Variants in FN1 observed in about 807,000 individuals in gnomAD.
FN1 encodes fibronectin.
In FN1, 106 loss-of-function variants were observed where a neutral mutation model predicts 297.3. The observed-to-expected ratio is 0.36, with a 90% CI of 0.30 to 0.42. The LOEUF (loss-of-function observed/expected upper bound fraction) is 0.42. Ranked by LOEUF, FN1 falls within the 10% of genes least tolerant of loss-of-function variation. The probability of loss-of-function intolerance (pLI) is 1.00; values close to 1 mark genes in which losing one functional copy is unlikely to be tolerated. For synonymous variants in FN1, 1,149 were observed against 1,152.6 expected (o/e 1.00, Z 0.06); for missense variants, 2,690 against 3,124.9 (o/e 0.86, Z 3.32).
chr2:215,362,369 C>A, intron 44 of FN1: 1 of 420,082 alleles, frequency 2.4e-6, no homozygotes, highest in Non-Finnish European at 4.4e-6. Flanking sequence ...CATTCCAATC[C>A]CAACTTCCTC....
At chr2:215,365,024 GAAC>G (rs757049434) in intron 43 of FN1, 39 bp from the exon 44 acceptor site, 1 of 1,299,370 alleles carries the variant, frequency 7.7e-7, no homozygotes, top group Non-Finnish European at 1.1e-6. Flanking sequence ...CATAAGCTGA[GAAC>G]AATACTGCAG....
At position 215,384,106 on chromosome 2, in the gene FN1, A is replaced by G. The variant is rs749273164; in HGVS notation, c.4808T>C (p.Val1603Ala). 33 of 1,613,956 alleles carry G rather than the reference A, an allele frequency of 2.0e-5. No individual in the cohort carries two copies. The highest frequency in any genetic ancestry group is 2.5e-5 in the Non-Finnish European group (29 of 1,179,982). Residue 1603 changes from valine (V) to alanine (A), a missense_variant, in exon 30 of 46, where the codon GTT (valine) becomes GCT (alanine). Physicochemically the swap from Val to Ala is moderately conservative, Grantham distance 64 (BLOSUM62 0). Around this residue, in one of 3 missense-constraint regions of FN1, gnomAD observed 1,743 missense variants for 1,945.2 expected, o/e 0.90. Transcript: ENST00000354785. ...TATISGLKPGVDYTITVYAVT... is the reference protein window; with the variant it reads ...TATISGLKPGADYTITVYAVT... ...AGCATACACAGTGATGGTATAATCA[A>G]CTCCAGGTTTAAGGCCGCTGATGGT...
At position 215,433,402 on chromosome 2, in the gene FN1, CA is replaced by C; in HGVS notation, c.336del (p.Tyr112Ter). 1 of 1,614,146 alleles carries C rather than the reference CA, an allele frequency of 6.2e-7. No homozygotes were observed. Among genetic ancestry groups the C allele is most frequent in the Non-Finnish European group, 8.5e-7 (1 of 1,179,994 alleles). On this transcript the variant is annotated frameshift_variant, in exon 3 of 46. Coordinates refer to ENST00000354785, the MANE Select transcript of FN1 (RefSeq NM_212482.4). LOFTEE classifies it high-confidence loss of function. The part of the protein sequence containing the change: ...TGNTYRVGDT[Y>X]ERPKDSMIWD... ...CAGATCATGGAGTCTTTAGGACGCT[CA>C]TAAGTGTCACCCACTCGGTAAGTGT...
At chr2:215,406,217 T>C (rs781517590) in intron 19 of FN1, 21 bp downstream of exon 19, 12 of 1,612,614 alleles carry the variant, frequency 7.4e-6, no homozygotes, top group East Asian at 2.2e-5. Context: ...GGAGGGGAGA[T>C]AGAGATAGGA....
chr2:215,431,711 T>C, intron 4 of FN1, 122 bp downstream of exon 4: 1 of 1,020,288 alleles, frequency 9.8e-7, no homozygotes, highest in Non-Finnish European at 1.6e-6. Context: ...CAAACAAAAT[T>C]CCCATTTCTT....
chr2:215,388,167 G>T, intron 27 of FN1, 45 bp downstream of exon 27: 1 of 1,350,382 alleles, frequency 7.4e-7, no homozygotes, highest in South Asian at 1.2e-5. Context: ...ATACAGAATT[G>T]ATAGGCAAAA....
chr2:215,423,637 G>A (rs1183647897), intron 8 of FN1, 111 bp from the exon 9 acceptor site: 1 of 922,650 alleles, frequency 1.1e-6, no homozygotes, highest in Non-Finnish European at 1.7e-6. Context: ...TTCACAGACA[G>A]TCTATCTCAG....
intron 23 of FN1, among the ~76,000 whole-genome samples, chr2:215,396,050 A>T (rs1460955869): frequency 8.5e-5 from 13 of 152,234 alleles, no homozygotes; most frequent in Non-Finnish European, 1.9e-4. Flanking sequence ...AGCTAGTTTC[A>T]TTCTGTGTGT....
Position 215,367,936 on chromosome 2 carries a change from C to T in FN1, c.6945G>A (p.Met2315Ile). 6.2e-7 allele frequency: 1 copy of T among 1,614,060 alleles called. No homozygotes were observed. The highest frequency in any genetic ancestry group is 8.5e-7 in the Non-Finnish European group (1 of 1,179,922). ...HYAVGDEWER[M>I]SESGFKLLCQ... ...ACAACAGTTTAAAGCCTGATTCAGA[C>T]ATTCGTTCCCACTCATCTCCAACGG... is the stretch of plus-strand genomic sequence containing the variant. The change falls in exon 42 of 46, where the codon ATG becomes ATA. Residue 2315 changes from methionine (M) to isoleucine (I), a missense_variant. Around this residue, in one of 3 missense-constraint regions of FN1, gnomAD observed 1,743 missense variants for 1,945.2 expected, o/e 0.90. Transcript: ENST00000354785.
chr2:215,434,613 T>A lies in FN1; in HGVS notation c.277+83A>T, dbSNP rs1234366571. 6 of 1,478,860 alleles carry A rather than the reference T, an allele frequency of 4.1e-6. No individual in the cohort carries two copies. In the Admixed American group the frequency reaches 1.0e-4, roughly 25 times the overall value. The allele number at this position is 1,478,860 out of a possible 1,614,324, so 91.6% of individuals were successfully genotyped here. A position where few individuals can be genotyped will look rare whatever the true frequency, so the allele number is the denominator to read the frequency against. On this transcript the variant is annotated intron_variant, in intron 2 of 45. Coordinates refer to ENST00000354785, the MANE Select transcript of FN1 (RefSeq NM_212482.4). Reference sequence around the variant, plus strand: ...AATTCTATTAGAAAAATGGTGTATGTATTTTTACTTACTAATGCAAAGTTT... The same window carrying A: ...AATTCTATTAGAAAAATGGTGTATGAATTTTTACTTACTAATGCAAAGTTT...
rs150549513 is a variant in FN1, at chr2:215,413,561, C to T, written c.1941+1276G>A. Among the ~76,000 whole-genome samples the T allele has an allele frequency of 5.3e-5, 8 of 152,294 alleles. No individual in the cohort carries two copies. The East Asian group carries it at 1.5e-3, about 29-fold the overall frequency. On this transcript the variant is annotated intron_variant, in intron 13 of 45. Coordinates refer to ENST00000354785, the MANE Select transcript of FN1 (RefSeq NM_212482.4). ...TTCTTGGAGACCTCAATCCCTGATC[C>T]CTCAATCCCATCCTCATCTTTCTGT... is the stretch of plus-strand genomic sequence containing the variant.
chr2:215,396,503 AG>A (rs1405013334), intron 23 of FN1, among the ~76,000 whole-genome samples: 1 of 152,202 alleles, frequency 6.6e-6, no homozygotes, highest in African/African-American at 2.4e-5. Flanking sequence ...CCCCTTAATC[AG>A]AATTTTCAGT....
rs2054626841 is a variant in FN1, at chr2:215,366,466, AAAACAAAAGC to A, written c.7019-846_7019-837del. Among the ~76,000 whole-genome samples the A allele has an allele frequency of 3.3e-5, 5 of 152,204 alleles. No individual in the cohort carries two copies. The South Asian group carries it at 1.0e-3, about 32-fold the overall frequency. ...AGTAAAAAATGAACCCGGATAAAAT[AAAACAAAAGC>A]AAACAAAATGCTAAATCATTGGTTA... On this transcript the variant is annotated intron_variant, in intron 42 of 45. Coordinates refer to ENST00000354785, the MANE Select transcript of FN1 (RefSeq NM_212482.4).
In FN1 at chr2:215,380,932, A is replaced by G; in HGVS notation, c.5313T>C (p.Pro1771=). Residue 1771 remains proline (P), a synonymous_variant, in exon 33 of 46, where the codon CCT becomes CCC. Transcript: ENST00000354785. Reference sequence around the variant, plus strand: ...GCTCTGCAGTGTCTTCTTCACCATCAGGTGCAGGGAATAGCTCATGGATTC... The same window carrying G: ...GCTCTGCAGTGTCTTCTTCACCATCGGGTGCAGGGAATAGCTCATGGATTC... The part of the protein sequence containing the change: ...EDGIHELFPA[P]DGEEDTAELQ... 1.2e-6 allele frequency: 2 copies of G among 1,614,228 alleles called. No individual in the cohort carries two copies. Among genetic ancestry groups the G allele is most frequent in the East Asian group, 2.2e-5 (1 of 44,882 alleles).
chr2:215,380,503 T>C, intron 33 of FN1: 1 of 408,206 alleles, frequency 2.4e-6, no homozygotes, highest in Non-Finnish European at 4.5e-6. Context: ...TCTTTATACA[T>C]AGTGAGGGTA....
At chr2:215,399,020 T>C (rs2060651851) in intron 21 of FN1, among the ~76,000 whole-genome samples, 1 of 152,248 alleles carries the variant, frequency 6.6e-6, no homozygotes, top group Admixed American at 6.5e-5. Flanking sequence ...AGCAGCTTCG[T>C]GCTAATGTTT....
chr2:215,399,396 G>T (rs1461022045), intron 20 of FN1, 45 bp from the exon 21 acceptor site: 4 of 1,275,978 alleles, frequency 3.1e-6, no homozygotes, highest in South Asian at 2.4e-5. Context: ...CAAACTCACA[G>T]ATGATTGCAT....
At position 215,386,067 on chromosome 2, in the gene FN1, C is replaced by T. The variant is rs529263189; in HGVS notation, c.4612+622G>A. Among the ~76,000 whole-genome samples the T allele has an allele frequency of 3.0e-4, 42 of 140,270 alleles. No individual in the cohort carries two copies. In the East Asian group the frequency reaches 7.9e-3, roughly 26 times the overall value. The allele number at this position is 140,270 out of a possible 152,430, so 92.0% of individuals were successfully genotyped here. On this transcript the variant is annotated intron_variant, in intron 28 of 45. Coordinates refer to ENST00000354785, the MANE Select transcript of FN1 (RefSeq NM_212482.4). Reference sequence around the variant, plus strand: ...CTGGGATTACAAGCGTGAGCCATTGCGCCTGGCCCTTTTTTTTTTTTTTTT... The same window carrying T: ...CTGGGATTACAAGCGTGAGCCATTGTGCCTGGCCCTTTTTTTTTTTTTTTT...
intron 36 of FN1, 68 bp from the exon 37 acceptor site, chr2:215,375,786 TG>T: frequency 9.5e-7 from 1 of 1,054,910 alleles, no homozygotes. Flanking sequence ...CAAGCTAGCC[TG>T]CAATTTTTCT....
Sources: allele counts gnomAD v4.1 joint callset (sites outside exome capture counted in the v4.1 genomes callset), GRCh38; gene constraint gnomAD v4.1.1; regional missense constraint gnomAD v4.1.1; transcripts MANE v1.5; gene names NCBI Gene and HGNC (gene_info 2026-07-23, HGNC 2026-07-21).